ZC3H12B: variants seen among roughly 807,000 people sequenced by gnomAD.
The protein encoded by ZC3H12B is zinc finger CCCH-type containing 12B.
A neutral mutation model predicts 43.9 loss-of-function variants in ZC3H12B; 7 were observed. That is an observed-to-expected ratio of 0.16 (90% CI 0.09 to 0.30). ZC3H12B has a LOEUF of 0.30. ZC3H12B is among the 10% of genes least tolerant of loss of function. ZC3H12B has a pLI of 1.00. For synonymous variants in ZC3H12B, 222 were observed against 241.7 expected (o/e 0.92, Z 0.76); for missense variants, 475 against 670.2 (o/e 0.71, Z 3.22).
chrX:65,043,357 T>A, the ZC3H12B span, among the ~76,000 whole-genome samples: 4 of 111,020 alleles, frequency 3.6e-5, no homozygotes, highest in South Asian at 1.5e-3. Context: ...AGAACAATAA[T>A]GAACATTAGA....
chrX:65,040,967 C>A, the ZC3H12B span, among the ~76,000 whole-genome samples: 1 of 111,295 alleles, frequency 9.0e-6, no homozygotes, highest in Non-Finnish European at 1.9e-5. Context: ...CAGTAGAGAC[C>A]GGGTTTCACC....
At chrX:65,378,957 AT>A (rs2066391846) in intron 2 of ZC3H12B, among the ~76,000 whole-genome samples, 1 of 112,486 alleles carries the variant, frequency 8.9e-6, no homozygotes, top group Admixed American at 9.3e-5. Context: ...AGAGGGTCCT[AT>A]GCCCACGGAG....
chrX:65,215,498 C>T, the ZC3H12B span, among the ~76,000 whole-genome samples: 4 of 110,481 alleles, frequency 3.6e-5, no homozygotes, highest in Non-Finnish European at 7.5e-5. Flanking sequence ...TTTAACTTTT[C>T]TTCCTCACCT....
chrX:65,229,935 TG>T, the ZC3H12B span, among the ~76,000 whole-genome samples: 1 of 111,627 alleles, frequency 9.0e-6, no homozygotes, highest in East Asian at 2.8e-4. Flanking sequence ...ACACTGTTGG[TG>T]GGACAGTAAA....
At chrX:65,035,209 G>A in the ZC3H12B span, among the ~76,000 whole-genome samples, 1 of 111,987 alleles carries the variant, frequency 8.9e-6, no homozygotes, top group East Asian at 2.9e-4. Context: ...GCGGGGGAGG[G>A]GCTCCCCCCT....
chrX:65,124,108 A>T, the ZC3H12B span, among the ~76,000 whole-genome samples: 1 of 111,365 alleles, frequency 9.0e-6, no homozygotes, highest in Non-Finnish European at 1.9e-5. Context: ...CCTGTTCATT[A>T]TAATGTTGGC....
chrX:65,375,920 AG>A (rs1569381113), intron 2 of ZC3H12B, among the ~76,000 whole-genome samples: 1 of 111,822 alleles, frequency 8.9e-6, no homozygotes, highest in Non-Finnish European at 1.9e-5. Flanking sequence ...CAGAGGAAAA[AG>A]TAAAGGGGAC....
At chrX:65,350,290 C>A in the ZC3H12B span, among the ~76,000 whole-genome samples, 2 of 110,988 alleles carry the variant, frequency 1.8e-5, no homozygotes, top group Non-Finnish European at 3.8e-5. Flanking sequence ...AATTCAACAC[C>A]CCCCATGGTA....
Position 65,443,221 on chromosome X carries a change from C to G in ZC3H12B, n.407+44517C>G, listed in dbSNP as rs376699366. On this transcript the variant is annotated intron_variant and non_coding_transcript_variant, in intron 3 of 5. Transcript: ENST00000617377. Reference sequence around the variant, plus strand: ...ACCCTGACACTTCCGAGCTCCCCTTCTTACTCACCATGGGGATTACTTTAA... The same window carrying G: ...ACCCTGACACTTCCGAGCTCCCCTTGTTACTCACCATGGGGATTACTTTAA... 9.9e-5 allele frequency among the ~76,000 whole-genome samples: 11 copies of G among 111,559 alleles called. No individual in the cohort carries two copies. The South Asian group carries it at 4.2e-3, about 42-fold the overall frequency.
intron 1 of ZC3H12B, among the ~76,000 whole-genome samples, chrX:65,491,192 T>G (rs1341511015): frequency 8.9e-6 from 1 of 112,013 alleles, no homozygotes; most frequent in East Asian, 2.8e-4. Flanking sequence ...TGAATACTGA[T>G]TCTGTGCCAG....
At chrX:65,346,868 G>C in the ZC3H12B span, among the ~76,000 whole-genome samples, 2 of 112,264 alleles carry the variant, frequency 1.8e-5, no homozygotes, top group Non-Finnish European at 3.8e-5. Flanking sequence ...GGCGGCTGTG[G>C]GTGCAGCTTC....
At chrX:65,420,412 G>A (rs1160888860) in intron 3 of ZC3H12B, among the ~76,000 whole-genome samples, 2 of 112,491 alleles carry the variant, frequency 1.8e-5, no homozygotes, top group Non-Finnish European at 3.8e-5. Flanking sequence ...CAGGCTGCTT[G>A]TAGAACCTAC....
At chrX:65,157,347 T>G in the ZC3H12B span, among the ~76,000 whole-genome samples, 1 of 112,467 alleles carries the variant, frequency 8.9e-6, no homozygotes. Context: ...ACATCTTAAT[T>G]TTCAGCCTTC....
chrX:65,253,609 G>A, the ZC3H12B span, among the ~76,000 whole-genome samples: 1 of 108,085 alleles, frequency 9.3e-6, no homozygotes, highest in Non-Finnish European at 1.9e-5. Context: ...CTGATGAGAT[G>A]TGACCCCTTC....
At chrX:65,102,193 G>A in the ZC3H12B span, among the ~76,000 whole-genome samples, 3 of 111,707 alleles carry the variant, frequency 2.7e-5, no homozygotes, top group Non-Finnish European at 5.6e-5. Flanking sequence ...ACGCCTTCAA[G>A]CTAAAAACTC....
chrX:65,086,490 G>C, the ZC3H12B span, among the ~76,000 whole-genome samples: 2 of 111,122 alleles, frequency 1.8e-5, no homozygotes, highest in Non-Finnish European at 3.8e-5. Context: ...TTTGTGCCCC[G>C]CCACCGAAAT....
At chrX:65,451,690 A>T (rs1268566452) in intron 3 of ZC3H12B, among the ~76,000 whole-genome samples, 1 of 111,673 alleles carries the variant, frequency 9.0e-6, no homozygotes, top group African/African-American at 3.3e-5. Flanking sequence ...TCTAGTCTTT[A>T]TGGGATGTCT....
chrX:65,091,885 A>T, the ZC3H12B span, among the ~76,000 whole-genome samples: 71 of 112,280 alleles, frequency 6.3e-4, no homozygotes, highest in African/African-American at 2.3e-3. Context: ...AAACAGGGTG[A>T]TATGGTTTGG....
At chrX:65,122,761 A>G in the ZC3H12B span, among the ~76,000 whole-genome samples, 1 of 111,465 alleles carries the variant, frequency 9.0e-6, no homozygotes, top group Admixed American at 9.5e-5. Context: ...CAGACTTTAT[A>G]CCAGCAAAGA....
Sources: gnomAD v4.1 joint callset for allele counts (sites outside exome capture counted in the v4.1 genomes callset) on GRCh38, gnomAD v4.1.1 for gene constraint, MANE v1.5 for transcripts, NCBI Gene and HGNC (gene_info 2026-07-23, HGNC 2026-07-21) for gene names.